The following RSRC1 variants were observed in gnomAD, a reference collection of about 807,000 sequenced individuals.
The protein encoded by RSRC1 is serine/Arginine-related protein 53.
A neutral mutation model predicts 49.1 loss-of-function variants in RSRC1; 39 were observed. The observed-to-expected ratio is 0.79, with a 90% CI of 0.61 to 1.04. RSRC1 has a LOEUF of 1.04. Ranked by LOEUF, RSRC1 falls within the 50% of genes least tolerant of loss-of-function variation. RSRC1 has a pLI of 0.00. For synonymous variants in RSRC1, 143 were observed against 130.8 expected (o/e 1.09, Z -0.63); for missense variants, 388 against 402.4 (o/e 0.96, Z 0.31).
intron 5 of RSRC1, among the ~76,000 whole-genome samples, chr3:158,321,438 T>C (rs930309898): frequency 8.5e-5 from 13 of 152,098 alleles, no homozygotes; most frequent in African/African-American, 3.1e-4. Flanking sequence ...GTTTTAATTT[T>C]ATTGGAATAT....
intron 7 of RSRC1, among the ~76,000 whole-genome samples, chr3:158,491,125 T>C (rs1739067878): frequency 6.6e-6 from 1 of 152,230 alleles, no homozygotes; most frequent in Non-Finnish European, 1.5e-5. Context: ...TATCATAGTT[T>C]TCCCAGTTAA....
At chr3:158,156,870 G>T (rs1228578753) in intron 3 of RSRC1, among the ~76,000 whole-genome samples, 1 of 152,278 alleles carries the variant, frequency 6.6e-6, no homozygotes, top group South Asian at 2.1e-4. Context: ...TAATGAAAAA[G>T]TTTGAAGTAT....
intron 3 of RSRC1, among the ~76,000 whole-genome samples, chr3:158,197,295 G>A (rs1434434957): frequency 1.3e-5 from 2 of 152,152 alleles, no homozygotes; most frequent in African/African-American, 4.8e-5. Flanking sequence ...GCATAGAGGT[G>A]TTTATAGTAT....
chr3:158,328,074 C>G (rs1216571007), intron 5 of RSRC1, among the ~76,000 whole-genome samples: 1 of 151,694 alleles, frequency 6.6e-6, no homozygotes, highest in Non-Finnish European at 1.5e-5. Flanking sequence ...TTTTTGTTTT[C>G]CATTTGCTTG....
At chr3:158,210,311 A>C (rs1306350696) in intron 4 of RSRC1, among the ~76,000 whole-genome samples, 1 of 152,080 alleles carries the variant, frequency 6.6e-6, no homozygotes, top group African/African-American at 2.4e-5. Context: ...ATGTGACAGC[A>C]GGCAACTTTG....
intron 6 of RSRC1, among the ~76,000 whole-genome samples, chr3:158,427,487 A>G (rs544921342): frequency 1.3e-5 from 2 of 151,914 alleles, no homozygotes; most frequent in East Asian, 3.9e-4. Flanking sequence ...GGATAATTAT[A>G]TAAGTATAGC....
intron 5 of RSRC1, among the ~76,000 whole-genome samples, chr3:158,333,526 G>T (rs925323998): frequency 3.3e-5 from 5 of 152,260 alleles, no homozygotes; most frequent in Non-Finnish European, 7.4e-5. Context: ...ATCTGTATTA[G>T]TGTGTATTTT....
chr3:158,143,129 G>A (rs1476805836), intron 3 of RSRC1, among the ~76,000 whole-genome samples: 1 of 152,130 alleles, frequency 6.6e-6, no homozygotes, highest in Non-Finnish European at 1.5e-5. Context: ...TGCATCGTCA[G>A]GTATATGCTA....
intron 4 of RSRC1, among the ~76,000 whole-genome samples, chr3:158,292,490 T>G (rs527370822): frequency 6.6e-6 from 1 of 152,324 alleles, no homozygotes; most frequent in East Asian, 1.9e-4. Flanking sequence ...CAATAATCTC[T>G]TCCCATTTTC....
intron 4 of RSRC1, among the ~76,000 whole-genome samples, chr3:158,265,017 C>T (rs547459359): frequency 7.9e-5 from 12 of 152,188 alleles, no homozygotes; most frequent in Non-Finnish European, 1.3e-4. Flanking sequence ...TCTGGTCTGC[C>T]ATACACACTC....
At chr3:158,159,572 G>A (rs1718091118) in intron 3 of RSRC1, among the ~76,000 whole-genome samples, 1 of 152,100 alleles carries the variant, frequency 6.6e-6, no homozygotes, top group East Asian at 1.9e-4. Context: ...CAATTAGGTT[G>A]CATTTTGGGT....
At position 158,536,807 on chromosome 3, in the gene RSRC1, T is replaced by A. The variant is rs138190546; in HGVS notation, c.653-285T>A. On this transcript the variant is annotated intron_variant, in intron 7 of 9. Transcript: ENST00000611884. ...ACTGTGCCCTTATTCCTTTTATATG[T>A]ATTTCCATGATAAAATGCTAAAGTT... Among the ~76,000 whole-genome samples the A allele has an allele frequency of 5.1e-3, 776 of 151,656 alleles. 4 individuals are homozygous for A. The highest frequency in any genetic ancestry group is 9.1e-3 in the Non-Finnish European group (618 of 67,558).
intron 6 of RSRC1, among the ~76,000 whole-genome samples, chr3:158,422,593 T>C (rs1003117991): frequency 3.3e-5 from 5 of 151,080 alleles, no homozygotes; most frequent in African/African-American, 1.2e-4. Flanking sequence ...ATATACCCAG[T>C]AATGGGATGG....
intron 5 of RSRC1, among the ~76,000 whole-genome samples, chr3:158,320,213 C>T (rs1304798398): frequency 6.6e-6 from 1 of 152,144 alleles, no homozygotes; most frequent in Non-Finnish European, 1.5e-5. Flanking sequence ...AGAAGTTACT[C>T]TTACTTTGAC....
At chr3:158,395,589 C>G (rs1298872444) in intron 6 of RSRC1, among the ~76,000 whole-genome samples, 1 of 152,130 alleles carries the variant, frequency 6.6e-6, no homozygotes, top group African/African-American at 2.4e-5. Context: ...CTCAACTTCA[C>G]TGGTTGCTAG....
intron 4 of RSRC1, among the ~76,000 whole-genome samples, chr3:158,287,296 G>T (rs1726628728): frequency 6.6e-6 from 1 of 151,982 alleles, no homozygotes; most frequent in East Asian, 1.9e-4. Context: ...ATTACATTTA[G>T]ATTATTTATA....
intron 4 of RSRC1, among the ~76,000 whole-genome samples, chr3:158,213,345 T>G (rs1488086357): frequency 1.3e-5 from 2 of 151,902 alleles, no homozygotes; most frequent in East Asian, 3.9e-4. Flanking sequence ...ATCTTAGATT[T>G]CAAGGCAATG....
intron 4 of RSRC1, among the ~76,000 whole-genome samples, chr3:158,205,349 T>G (rs190389491): frequency 3.3e-5 from 5 of 152,168 alleles, no homozygotes; most frequent in African/African-American, 4.8e-5. Context: ...TCAGAGCACC[T>G]AATGTACATG....
At chr3:158,458,112 G>T (rs1340784441) in intron 6 of RSRC1, among the ~76,000 whole-genome samples, 2 of 152,124 alleles carry the variant, frequency 1.3e-5, no homozygotes, top group Non-Finnish European at 2.9e-5. Context: ...ATATAAGGGA[G>T]TGTGGGGAGT....
Sources: gnomAD v4.1 joint callset for allele counts (sites outside exome capture counted in the v4.1 genomes callset) on GRCh38, gnomAD v4.1.1 for gene constraint, MANE v1.5 for transcripts, NCBI Gene and HGNC (gene_info 2026-07-23, HGNC 2026-07-21) for gene names.